Variants in GNA12 observed in about 807,000 individuals in gnomAD.
The protein encoded by GNA12 is G protein subunit alpha 12, also known as guanine nucleotide-binding protein subunit alpha-12.
Under a neutral mutation model 26.0 loss-of-function variants are expected in GNA12, and 9 were observed. The observed-to-expected ratio is 0.35, with a 90% CI of 0.21 to 0.60. The LOEUF (loss-of-function observed/expected upper bound fraction) is 0.60. Among genes scored for constraint, GNA12 ranks in the 20% least tolerant of loss-of-function variants. The pLI, the probability that GNA12 is intolerant of heterozygous loss-of-function variation, is 0.78. For missense variants in GNA12, 405 were observed against 525.8 expected, an observed-to-expected ratio of 0.77 and a Z score of 2.25; for synonymous variants, 264 against 219.6, an observed-to-expected ratio of 1.20 and a Z score of -1.79.
chr7:2,806,918 A>G (rs566954194), intron 1 of GNA12, among the ~76,000 whole-genome samples: 29 of 152,238 alleles, frequency 1.9e-4, no homozygotes, highest in Non-Finnish European at 4.1e-4. Flanking sequence ...GTTGAATTAT[A>G]AAACTGCTGG....
At chr7:2,793,574 A>G (rs1033719704) in intron 2 of GNA12, among the ~76,000 whole-genome samples, 41 of 152,072 alleles carry the variant, frequency 2.7e-4, no homozygotes, top group African/African-American at 9.4e-4. Context: ...ACTCTGCAGG[A>G]AAAGGATGGG....
At chr7:2,818,955 G>T (rs944937305) in intron 1 of GNA12, among the ~76,000 whole-genome samples, 1 of 152,144 alleles carries the variant, frequency 6.6e-6, no homozygotes, top group African/African-American at 2.4e-5. Context: ...AAAGATGGCC[G>T]GGGGTATTCA....
intron 2 of GNA12, among the ~76,000 whole-genome samples, chr7:2,748,714 T>A (rs529425759): frequency 1.3e-5 from 2 of 152,222 alleles, no homozygotes; most frequent in Non-Finnish European, 2.9e-5. Context: ...ACCATCAGCA[T>A]GAACAGGCAA....
intron 2 of GNA12, among the ~76,000 whole-genome samples, chr7:2,780,823 A>G (rs1381863426): frequency 6.6e-6 from 1 of 152,210 alleles, no homozygotes; most frequent in Non-Finnish European, 1.5e-5. Context: ...TTTTTCAATT[A>G]TATATAATGC....
chr7:2,802,718 C>T (rs942272962), intron 1 of GNA12, among the ~76,000 whole-genome samples: 5 of 152,204 alleles, frequency 3.3e-5, no homozygotes, highest in Admixed American at 3.3e-4. Context: ...AGTTGTTTGC[C>T]TTTGGCCACC....
chr7:2,815,222 C>G, intron 1 of GNA12: 1 of 348,184 alleles, frequency 2.9e-6, no homozygotes, highest in Middle Eastern at 8.6e-4. Context: ...AAGGAGGAAG[C>G]CAGTCAGCGG....
intron 2 of GNA12, among the ~76,000 whole-genome samples, chr7:2,736,426 A>AC (rs1790180040): frequency 6.7e-6 from 1 of 149,672 alleles, no homozygotes; most frequent in Non-Finnish European, 1.5e-5. Flanking sequence ...CTGAGCACAC[A>AC]CCTGACAGGG....
chr7:2,827,922 A>AT (rs1793522073), intron 1 of GNA12, among the ~76,000 whole-genome samples: 2 of 138,434 alleles, frequency 1.4e-5, no homozygotes, highest in African/African-American at 5.2e-5. Context: ...CTTTATTTAA[A>AT]ATTTTTTTTA....
intron 1 of GNA12, among the ~76,000 whole-genome samples, chr7:2,821,259 G>C (rs1408020811): frequency 6.6e-6 from 1 of 152,202 alleles, no homozygotes; most frequent in African/African-American, 2.4e-5. Flanking sequence ...ATCCTGAGGG[G>C]AGACTCTCCG....
chr7:2,766,422 T>C (rs1791805506), intron 2 of GNA12, among the ~76,000 whole-genome samples: 1 of 150,210 alleles, frequency 6.7e-6, no homozygotes, highest in South Asian at 2.1e-4. Flanking sequence ...AGTCTTGCTC[T>C]GTCGCCAGGC....
chr7:2,757,185 G>A (rs1297044047), intron 2 of GNA12, among the ~76,000 whole-genome samples: 1 of 141,958 alleles, frequency 7.0e-6, no homozygotes, highest in Admixed American at 7.4e-5. Context: ...ACCCAGGCTG[G>A]AGTGTAGTGG....
At chr7:2,776,781 C>A (rs543128484) in intron 2 of GNA12, among the ~76,000 whole-genome samples, 2 of 152,276 alleles carry the variant, frequency 1.3e-5, no homozygotes, top group African/African-American at 4.8e-5. Context: ...AGAAACTGTA[C>A]TGTTTTTAAA....
chr7:2,775,984 G>C lies in GNA12; in HGVS notation c.525+18944C>G, dbSNP rs1792066373. Among the ~76,000 whole-genome samples the C allele has an allele frequency of 2.0e-5, 3 of 152,398 alleles. No individual in the cohort carries two copies. The South Asian group carries it at 6.2e-4, about 32-fold the overall frequency. ...AGAAACTGCCGGTGGCTATGGGGCAGCTCCCCTGGTGGGAAGGCCCTGGAC... is the reference window on the plus strand; with the variant it reads ...AGAAACTGCCGGTGGCTATGGGGCACCTCCCCTGGTGGGAAGGCCCTGGAC... On this transcript the variant is annotated intron_variant, in intron 2 of 3. Coordinates refer to ENST00000275364, the MANE Select transcript of GNA12 (RefSeq NM_007353.3).
At chr7:2,823,055 T>C (rs531274294) in intron 1 of GNA12, among the ~76,000 whole-genome samples, 58 of 152,338 alleles carry the variant, frequency 3.8e-4, no homozygotes, top group African/African-American at 1.4e-3. Flanking sequence ...ACCACTCTGA[T>C]GGCCTTGAAG....
chr7:2,782,009 T>C (rs1307520830), intron 2 of GNA12, among the ~76,000 whole-genome samples: 1 of 152,218 alleles, frequency 6.6e-6, no homozygotes, highest in Non-Finnish European at 1.5e-5. Flanking sequence ...TAAACCCACA[T>C]ATCTATGGCC....
At chr7:2,825,240 G>A (rs1015930077) in intron 1 of GNA12, among the ~76,000 whole-genome samples, 1 of 152,170 alleles carries the variant, frequency 6.6e-6, no homozygotes, top group Non-Finnish European at 1.5e-5. Context: ...GAGGGGAGAA[G>A]AAATACTGAA....
At chr7:2,820,388 T>A (rs1034222403) in intron 1 of GNA12, among the ~76,000 whole-genome samples, 1 of 146,770 alleles carries the variant, frequency 6.8e-6, no homozygotes, top group Non-Finnish European at 1.5e-5. Context: ...ATGTGAGTTA[T>A]AGCTCAATAA....
At chr7:2,812,518 A>G (rs184222604) in intron 1 of GNA12, among the ~76,000 whole-genome samples, 18 of 152,298 alleles carry the variant, frequency 1.2e-4, no homozygotes, top group Non-Finnish European at 2.4e-4. Flanking sequence ...AGTCCTAGCT[A>G]CTCAGGAGGC....
Position 2,737,581 on chromosome 7 carries a change from G to A in GNA12, c.526-4080C>T, listed in dbSNP as rs113384620. Among the ~76,000 whole-genome samples the A allele has an allele frequency of 8.3e-3, 1,258 of 152,176 alleles. 17 individuals carry two copies. The highest frequency in any genetic ancestry group is 0.028 in the African/African-American group (1,156 of 41,532). Reference sequence around the variant, plus strand: ...TGGGATTACAGGCGTGAGCCACAGCGCCCGGCCCTGTCTTACAGTTTCTGC... The same window carrying A: ...TGGGATTACAGGCGTGAGCCACAGCACCCGGCCCTGTCTTACAGTTTCTGC... On this transcript the variant is annotated intron_variant, in intron 2 of 3. Coordinates refer to ENST00000275364, the MANE Select transcript of GNA12 (RefSeq NM_007353.3).
Sources: gnomAD v4.1 joint callset for allele counts (sites outside exome capture counted in the v4.1 genomes callset) on GRCh38, gnomAD v4.1.1 for gene constraint, MANE v1.5 for transcripts, NCBI Gene and HGNC (gene_info 2026-07-23, HGNC 2026-07-21) for gene names.